Variants in SEPTIN14 observed in about 807,000 individuals in gnomAD.
SEPTIN14 encodes septin 14, also known as septin-14.
In SEPTIN14, 40 loss-of-function variants were observed where a neutral mutation model predicts 53.6. That is an observed-to-expected ratio of 0.75 (90% CI 0.58 to 0.97). SEPTIN14 has a LOEUF of 0.97. Among genes scored for constraint, SEPTIN14 ranks in the 50% least tolerant of loss-of-function variants. The pLI is 0.00. For synonymous variants in SEPTIN14, 138 were observed against 166.8 expected (o/e 0.83, Z 1.33); for missense variants, 471 against 508.2 (o/e 0.93, Z 0.70).
intron 2 of SEPTIN14, among the ~76,000 whole-genome samples, chr7:55,861,393 T>C (rs1789746748): frequency 6.6e-6 from 1 of 151,968 alleles, no homozygotes; most frequent in Non-Finnish European, 1.5e-5. Context: ...TCCCAGCTAC[T>C]TGGGAGGCTG....
At chr7:55,817,777 T>C (rs557681348) in intron 7 of SEPTIN14, among the ~76,000 whole-genome samples, 4 of 152,206 alleles carry the variant, frequency 2.6e-5, no homozygotes, top group African/African-American at 9.6e-5. Flanking sequence ...GCCAATATTT[T>C]ATATTCTTGA....
At chr7:55,856,768 G>A (rs1562721961) in intron 2 of SEPTIN14, among the ~76,000 whole-genome samples, 1 of 152,116 alleles carries the variant, frequency 6.6e-6, no homozygotes, top group African/African-American at 2.4e-5. Context: ...ATTGTGAATA[G>A]CGCTGAGATG....
In SEPTIN14 at chr7:55,846,065, GTATATATA is replaced by G. The variant is rs56306800; in HGVS notation, c.175+444_175+451del. 1.7e-3 allele frequency among the ~76,000 whole-genome samples: 67 copies of G among 39,746 alleles called. 3 individuals are homozygous for G. The highest frequency in any genetic ancestry group is 0.024 in the Middle Eastern group (1 of 42). 26.1% of individuals were successfully genotyped at this position (39,746 alleles called of 152,430 possible). A position where few individuals can be genotyped will look rare whatever the true frequency, so the allele number is the denominator to read the frequency against. On this transcript the variant is annotated intron_variant, in intron 3 of 9. Transcript: ENST00000388975. ...CTCCGTCTCAGAAAAAAAAAAAAAA[GTATATATA>G]TATATATATATATATATATGTATAC...
rs776707636 is a variant in SEPTIN14 at position 55,795,886 on chromosome 7, G to A, written c.*27C>T. 1.4e-5 allele frequency: 21 copies of A among 1,508,070 alleles called. No homozygotes were observed. Among genetic ancestry groups the A allele is most frequent in the Non-Finnish European group, 1.6e-5 (18 of 1,101,230 alleles). 93.4% of individuals were successfully genotyped at this position (1,508,070 alleles called of 1,614,324 possible). On this transcript the variant is annotated 3_prime_UTR_variant, in exon 10 of 10. Transcript: ENST00000388975. Reference sequence around the variant, plus strand: ...CAGGAAGTTGCGATGTAGAATGATAGGGCTCTCAGAATAGTAAGAGAAACT... The same window carrying A: ...CAGGAAGTTGCGATGTAGAATGATAAGGCTCTCAGAATAGTAAGAGAAACT...
At position 55,843,018 on chromosome 7, in the gene SEPTIN14, C is replaced by A; in HGVS notation, c.482G>T (p.Cys161Phe). ...FEYHDSRVHV[C>F]LYFISPTGHS... ...TCCTGTAGGTGAAATGAAGTAAAGA[C>A]ACACGTGGACGCGAGAATCATGGTA... is the stretch of plus-strand genomic sequence containing the variant. The change falls in exon 5 of 10, where the codon TGT becomes TTT. Residue 161 changes from cysteine to phenylalanine, a missense_variant. Transcript: ENST00000388975. The A allele has an allele frequency of 6.3e-7, 1 of 1,586,622 alleles. No homozygotes were observed. The highest frequency in any genetic ancestry group is 8.6e-7 in the Non-Finnish European group (1 of 1,166,002).
chr7:55,827,998 CCATCATAAGAAGTTTGG>C (rs1331132142), intron 6 of SEPTIN14, among the ~76,000 whole-genome samples: 6 of 151,336 alleles, frequency 4.0e-5, no homozygotes, highest in African/African-American at 1.2e-4. Flanking sequence ...TGAGAAGAAA[CCATCATAAGAAGTTTGG>C]CATCATGAAG....
chr7:55,851,956 C>T (rs1165522315), intron 2 of SEPTIN14, among the ~76,000 whole-genome samples: 1 of 152,048 alleles, frequency 6.6e-6, no homozygotes, highest in African/African-American at 2.4e-5. Flanking sequence ...TCCTGGCTAA[C>T]ACAGTGAAAC....
chr7:55,809,449 G>A (rs1788662619), intron 7 of SEPTIN14, among the ~76,000 whole-genome samples: 1 of 150,334 alleles, frequency 6.7e-6, no homozygotes, highest in African/African-American at 2.4e-5. Context: ...TGCACTTCCT[G>A]GGTTCAAGTG....
At chr7:55,861,167 T>A (rs1789742844) in intron 2 of SEPTIN14, among the ~76,000 whole-genome samples, 1 of 152,172 alleles carries the variant, frequency 6.6e-6, no homozygotes, top group Admixed American at 6.6e-5. Context: ...GGCCAATGTT[T>A]CAGTCCCTGA....
chr7:55,801,530 C>T (rs1788522628), intron 9 of SEPTIN14, among the ~76,000 whole-genome samples: 1 of 152,122 alleles, frequency 6.6e-6, no homozygotes, highest in African/African-American at 2.4e-5. Flanking sequence ...GAAAAGACTA[C>T]TAATAGGTAA....
intron 2 of SEPTIN14, among the ~76,000 whole-genome samples, chr7:55,855,853 T>G (rs977477416): frequency 6.6e-6 from 1 of 152,116 alleles, no homozygotes; most frequent in Non-Finnish European, 1.5e-5. Flanking sequence ...CGCCCAGGCC[T>G]GTAGCTGCTT....
intron 6 of SEPTIN14, among the ~76,000 whole-genome samples, chr7:55,825,738 G>A (rs1032121910): frequency 5.3e-5 from 8 of 152,058 alleles, no homozygotes; most frequent in Admixed American, 2.6e-4. Context: ...AGGCCGAGGC[G>A]GTTGGATCAT....
At chr7:55,848,677 G>C (rs901718709) in intron 2 of SEPTIN14, among the ~76,000 whole-genome samples, 1 of 149,052 alleles carries the variant, frequency 6.7e-6, no homozygotes, top group African/African-American at 2.5e-5. Context: ...GTGGCACGAT[G>C]GCTCACTGCA....
chr7:55,845,011 A>G (rs1789378468), intron 3 of SEPTIN14, among the ~76,000 whole-genome samples: 1 of 151,612 alleles, frequency 6.6e-6, no homozygotes, highest in Non-Finnish European at 1.5e-5. Flanking sequence ...AGATTATTTC[A>G]TCACCCAGGT....
chr7:55,841,951 C>G (rs1789320236), intron 5 of SEPTIN14, among the ~76,000 whole-genome samples: 1 of 151,966 alleles, frequency 6.6e-6, no homozygotes, highest in Admixed American at 6.6e-5. Context: ...CAGAGAATCA[C>G]TTGAACCCAG....
chr7:55,860,066 C>T (rs1789717350), intron 2 of SEPTIN14, among the ~76,000 whole-genome samples: 1 of 151,716 alleles, frequency 6.6e-6, no homozygotes, highest in Non-Finnish European at 1.5e-5. Context: ...GTAATCCCAG[C>T]TACTTGGGAG....
At chr7:55,826,687 C>A (rs1788993064) in intron 6 of SEPTIN14, among the ~76,000 whole-genome samples, 1 of 151,760 alleles carries the variant, frequency 6.6e-6, no homozygotes, top group South Asian at 2.1e-4. Flanking sequence ...ATCCCAGCTA[C>A]TCAGGAGGCT....
At chr7:55,841,191 G>A (rs893750696) in intron 5 of SEPTIN14, among the ~76,000 whole-genome samples, 5 of 152,120 alleles carry the variant, frequency 3.3e-5, no homozygotes, top group African/African-American at 1.2e-4. Flanking sequence ...TTACAGGCGT[G>A]AGCCTCCGCA....
chr7:55,805,184 CTT>C (rs965890066), intron 9 of SEPTIN14, 72 bp downstream of exon 9: 62 of 1,369,838 alleles, frequency 4.5e-5, no homozygotes, highest in Non-Finnish European at 6.1e-5. Context: ...CAAGTAAACT[CTT>C]GAGATTAAAA....
Sources: allele counts gnomAD v4.1 joint callset (sites outside exome capture counted in the v4.1 genomes callset), GRCh38; gene constraint gnomAD v4.1.1; transcripts MANE v1.5; gene names NCBI Gene and HGNC (gene_info 2026-07-23, HGNC 2026-07-21).